The following NCOR1 variants were observed in gnomAD, a reference collection of about 807,000 sequenced individuals.
NCOR1 encodes protein phosphatase 1, regulatory subunit 109.
In NCOR1, 63 loss-of-function variants were observed where a neutral mutation model predicts 288.1. The observed-to-expected ratio is 0.22, with a 90% CI of 0.18 to 0.27. The LOEUF (loss-of-function observed/expected upper bound fraction) is 0.27. Among genes scored for constraint, NCOR1 ranks in the 10% least tolerant of loss-of-function variants. The pLI is 1.00. For synonymous variants in NCOR1, 1,007 were observed against 1,065.9 expected, an observed-to-expected ratio of 0.94 and a Z score of 1.08; for missense variants, 2,397 against 3,019.2, an observed-to-expected ratio of 0.79 and a Z score of 4.83.
At chr17:16,109,029 G>A in intron 18 of NCOR1, 117 bp from the exon 19 acceptor site, 7 of 824,724 alleles carry the variant, frequency 8.5e-6, no homozygotes, top group Non-Finnish European at 1.2e-5. Flanking sequence ...GAGGTCACAT[G>A]TTTGACAATA....
chr17:16,142,657 A>G (rs889226386), intron 11 of NCOR1, among the ~76,000 whole-genome samples: 1 of 152,232 alleles, frequency 6.6e-6, no homozygotes, highest in African/African-American at 2.4e-5. Flanking sequence ...ACTCATGAAG[A>G]TGACACTTTA....
chr17:16,148,687 A>AC (rs2078391795), intron 9 of NCOR1, among the ~76,000 whole-genome samples: 1 of 150,240 alleles, frequency 6.7e-6, no homozygotes, highest in Non-Finnish European at 1.5e-5. Flanking sequence ...AAAAAAAAAA[A>AC]AAACAACTCA....
At chr17:16,153,805 T>G (rs2079243231) in intron 6 of NCOR1, among the ~76,000 whole-genome samples, 1 of 152,072 alleles carries the variant, frequency 6.6e-6, no homozygotes, top group Admixed American at 6.6e-5. Flanking sequence ...TAATAGAAAC[T>G]TAAAGCAATA....
chr17:16,044,996 TAAGAAAA>T, intron 42 of NCOR1: 1 of 404,210 alleles, frequency 2.5e-6, no homozygotes, highest in Non-Finnish European at 4.5e-6. Flanking sequence ...AAGCTGAACT[TAAGAAAA>T]AAAAAAAAAG....
chr17:16,086,119 G>A (rs1215469144), intron 23 of NCOR1, among the ~76,000 whole-genome samples, 163 bp downstream of exon 23: 1 of 152,212 alleles, frequency 6.6e-6, no homozygotes, highest in Non-Finnish European at 1.5e-5. Context: ...TTTGTGGCAA[G>A]AGTACAGTGA....
chr17:16,177,055 A>C (rs1568493898), intron 3 of NCOR1, among the ~76,000 whole-genome samples: 2 of 151,954 alleles, frequency 1.3e-5, no homozygotes, highest in Non-Finnish European at 2.9e-5. Context: ...GTTCTTTCTA[A>C]TTGTCTTAAT....
At position 16,032,191 on chromosome 17, in the gene NCOR1, AG is replaced by A. The variant is rs561209424; in HGVS notation, c.*104del. 1.8e-4 allele frequency: 211 copies of A among 1,149,572 alleles called. No individual in the cohort carries two copies. The African/African-American group carries it at 3.1e-3, about 17-fold the overall frequency. 71.2% of individuals were successfully genotyped at this position (1,149,572 alleles called of 1,614,324 possible). On this transcript the variant is annotated 3_prime_UTR_variant, in exon 46 of 46. Transcript: ENST00000268712. ...TGGGCTGGCTCTCCTGAAAAGTCTC[AG>A]GGAATAAGTCACAGGAGGGCAGGTT...
At chr17:16,162,409 G>C (rs1391867011) in intron 5 of NCOR1, among the ~76,000 whole-genome samples, 1 of 151,472 alleles carries the variant, frequency 6.6e-6, no homozygotes, top group Non-Finnish European at 1.5e-5. Context: ...TTTTCCCAAA[G>C]TGATGAAAAA....
At chr17:16,044,374 GAC>G in intron 42 of NCOR1, 1 of 470,936 alleles carries the variant, frequency 2.1e-6, no homozygotes, top group Non-Finnish European at 4.4e-6. Context: ...TCACAAGAGT[GAC>G]ACAGATCTAA....
chr17:16,080,037 C>A lies in NCOR1; in HGVS notation c.3428G>T (p.Ser1143Ile). 7 of 1,614,064 alleles carry A rather than the reference C, an allele frequency of 4.3e-6. No individual in the cohort carries two copies. Among genetic ancestry groups the A allele is most frequent in the Non-Finnish European group, 5.9e-6 (7 of 1,179,986 alleles). The change falls in exon 26 of 46, where the codon AGT becomes ATT. Residue 1143 changes from serine (S) to isoleucine (I), a missense_variant. Ser to Ile is a moderately radical substitution (Grantham distance 142). Transcript: ENST00000268712. ...RGTAGAIQEG[S>I]ITRGTPTSKI... The stretch of plus-strand genomic sequence containing the variant: ...GCTGGTTGGAGTTCCCCGAGTTATA[C>A]TTCCTTCTTGTATGGCTCCTGCGGT...
chr17:16,041,766 T>C (rs541909708), intron 42 of NCOR1, among the ~76,000 whole-genome samples: 97 of 151,542 alleles, frequency 6.4e-4, no homozygotes, highest in Admixed American at 1.8e-3. Context: ...AGACGGAGTC[T>C]CACTCTGCCG....
chr17:16,037,083 C>A (rs1215992670), intron 44 of NCOR1, among the ~76,000 whole-genome samples: 1 of 152,072 alleles, frequency 6.6e-6, no homozygotes, highest in African/African-American at 2.4e-5. Flanking sequence ...GGTTAATTGG[C>A]CGAATTTGAA....
chr17:16,207,900 G>A (rs1004407614), intron 1 of NCOR1, among the ~76,000 whole-genome samples: 1 of 151,858 alleles, frequency 6.6e-6, no homozygotes, highest in Non-Finnish European at 1.5e-5. Context: ...ATCCAAATAA[G>A]TTAGGATTCT....
intron 3 of NCOR1, among the ~76,000 whole-genome samples, chr17:16,174,596 T>A (rs1164722051): frequency 1.3e-5 from 2 of 152,120 alleles, no homozygotes; most frequent in African/African-American, 4.8e-5. Flanking sequence ...TCAGACTACT[T>A]CCCATTTCAG....
intron 14 of NCOR1, among the ~76,000 whole-genome samples, chr17:16,133,386 G>A (rs1411927747): frequency 6.6e-6 from 1 of 152,202 alleles, no homozygotes; most frequent in African/African-American, 2.4e-5. Flanking sequence ...AACTTCAGCA[G>A]AACTTTAAAG....
intron 42 of NCOR1, among the ~76,000 whole-genome samples, chr17:16,044,168 C>CAAAAAA (rs34691717): frequency 1.7e-4 from 14 of 82,690 alleles, no homozygotes; most frequent in South Asian, 5.1e-4. Flanking sequence ...GACTCCATCT[C>CAAAAAA]AAAAAAAAAA....
Position 16,121,983 on chromosome 17 carries a change from G to A in NCOR1, c.1635-714C>T, listed in dbSNP as rs571896120. 2.9e-4 allele frequency among the ~76,000 whole-genome samples: 44 copies of A among 152,308 alleles called. 1 individual carries two copies. Among genetic ancestry groups the A allele is most frequent in the Non-Finnish European group, 4.6e-4 (31 of 68,034 alleles). ...CAATGAGAAAAAGTTTATTTCATGG[G>A]ACTGTTGCCAGGACTGAAGGAGTTA... On this transcript the variant is annotated intron_variant, in intron 15 of 45. Transcript: ENST00000268712.
chr17:16,060,847 T>C (rs933376533), intron 37 of NCOR1, among the ~76,000 whole-genome samples: 3 of 152,310 alleles, frequency 2.0e-5, no homozygotes, highest in South Asian at 2.1e-4. Flanking sequence ...AAAAGTAACT[T>C]TTCTAGCATT....
intron 44 of NCOR1, 72 bp from the exon 45 acceptor site, chr17:16,035,016 A>G (rs890774850): frequency 2.8e-5 from 40 of 1,409,578 alleles, no homozygotes; most frequent in Non-Finnish European, 3.8e-5. Flanking sequence ...TAATGATTAT[A>G]TATTGCTAAA....
Sources: gnomAD v4.1 joint callset for allele counts (sites outside exome capture counted in the v4.1 genomes callset) on GRCh38, gnomAD v4.1.1 for gene constraint, MANE v1.5 for transcripts, NCBI Gene and HGNC (gene_info 2026-07-23, HGNC 2026-07-21) for gene names.